Variants in PHEX observed in about 807,000 individuals in gnomAD.
The protein encoded by PHEX is phosphate regulating endopeptidase X-linked.
In PHEX, 16 loss-of-function variants were observed where a neutral mutation model predicts 68.0. The ratio of observed to expected loss-of-function variants is 0.24; its 90% CI spans 0.16 to 0.36. The LOEUF (loss-of-function observed/expected upper bound fraction) is 0.36. Ranked by LOEUF, PHEX falls within the 10% of genes least tolerant of loss-of-function variation. The pLI is 1.00. For missense variants in PHEX, 480 were observed against 575.5 expected, an observed-to-expected ratio of 0.83 and a Z score of 1.70; for synonymous variants, 208 against 205.1, an observed-to-expected ratio of 1.01 and a Z score of -0.12.
In PHEX at chrX:22,249,468, ATATATATATATATATATATG is replaced by A. The variant is rs1936507892; in HGVS notation, c.*1521_*1540del. The A allele has an allele frequency of 1.2e-5, 1 of 80,608 alleles. No individual in the cohort carries two copies. Among genetic ancestry groups the A allele is most frequent in the African/African-American group, 5.5e-5 (1 of 18,277 alleles). The allele number at this position is 80,608 out of a possible 1,213,427, so 6.6% of individuals were successfully genotyped here. ...AAAAAAAAAAAAAATATATATATAT[ATATATATATATATATATATG>A]TATATCTACCTAAGTGTGTGCCATG... On this transcript the variant is annotated 3_prime_UTR_variant, in exon 22 of 22. Transcript: ENST00000379374.
At chrX:22,089,494 C>T (rs1929776595) in intron 5 of PHEX, among the ~76,000 whole-genome samples, 1 of 107,953 alleles carries the variant, frequency 9.3e-6, no homozygotes, top group Admixed American at 1.0e-4. Flanking sequence ...GATCTCTGCT[C>T]ACTGCAGCCT....
In PHEX at chrX:22,077,563, G is replaced by A; in HGVS notation, c.524G>A (p.Gly175Asp). The change falls in exon 5 of 22, where the codon GGC becomes GAC. Residue 175 changes from glycine (G) to aspartate (D), a missense_variant. Coordinates refer to ENST00000379374, the MANE Select transcript of PHEX (RefSeq NM_000444.6). The part of the protein sequence containing the change: ...FRWPVLESNI[G>D]PEGVWSERKF... ...TGGCCCGTGCTTGAATCTAATATTG[G>A]CCCTGAAGGGGTTTGGTCAGAGAGA... The A allele has an allele frequency of 5.0e-6, 6 of 1,211,156 alleles. No individual in the cohort carries two copies. Among genetic ancestry groups the A allele is most frequent in the Non-Finnish European group, 6.7e-6 (6 of 894,898 alleles).
intron 20 of PHEX, among the ~76,000 whole-genome samples, chrX:22,244,899 G>T (rs1194433821): frequency 8.9e-6 from 1 of 111,825 alleles, no homozygotes; most frequent in Admixed American, 9.5e-5. Context: ...CCAGACTAGG[G>T]TGAAGCGAGC....
intron 3 of PHEX, among the ~76,000 whole-genome samples, chrX:22,064,550 T>C (rs1240608949): frequency 8.9e-6 from 1 of 111,913 alleles, no homozygotes; most frequent in Non-Finnish European, 1.9e-5. Context: ...TTCCAGAAAG[T>C]TCTCAGGCGA....
At position 22,226,506 on chromosome X, in the gene PHEX, A is replaced by T; in HGVS notation, c.1963A>T (p.Arg655Trp). The change falls in exon 19 of 22, where the codon AGG becomes TGG. Residue 655 changes from arginine to tryptophan, a missense_variant and splice_region_variant. By Grantham distance (101) the Arg-to-Trp change is moderately radical. Coordinates refer to ENST00000379374, the MANE Select transcript of PHEX (RefSeq NM_000444.6). ...TAATGGAGGCCTGCGGGAAGCTTTT[A>T]GGGTATGCGCTGCTACATTTACCGT... ...ADNGGLREAF[R>W]AYRKWINDRR... 8.4e-7 allele frequency: 1 copy of T among 1,196,673 alleles called. No homozygotes were observed. The highest frequency in any genetic ancestry group is 1.1e-6 in the Non-Finnish European group (1 of 883,178).
intron 3 of PHEX, among the ~76,000 whole-genome samples, chrX:22,073,351 T>G (rs1173629837): frequency 8.9e-6 from 1 of 112,654 alleles, no homozygotes; most frequent in Non-Finnish European, 1.9e-5. Flanking sequence ...GGGAAGCATG[T>G]ACTATTATTA....
At chrX:22,209,172 G>A (rs1210491097) in intron 15 of PHEX, among the ~76,000 whole-genome samples, 3 of 111,231 alleles carry the variant, frequency 2.7e-5, no homozygotes. Context: ...CGCACGTGGT[G>A]AACTGAGGCA....
intron 15 of PHEX, among the ~76,000 whole-genome samples, chrX:22,209,388 T>C (rs1041506111): frequency 1.8e-5 from 2 of 111,519 alleles, no homozygotes; most frequent in African/African-American, 6.5e-5. Flanking sequence ...GCTGTATGTA[T>C]GGATGCTTAT....
chrX:22,153,525 C>T (rs1418568661), intron 12 of PHEX, among the ~76,000 whole-genome samples: 1 of 111,653 alleles, frequency 9.0e-6, no homozygotes, highest in African/African-American at 3.3e-5. Flanking sequence ...AGTGGGGATA[C>T]GGTCCTGTCA....
intron 3 of PHEX, among the ~76,000 whole-genome samples, chrX:22,049,254 A>G (rs1440190802): frequency 9.0e-6 from 1 of 110,810 alleles, no homozygotes; most frequent in Non-Finnish European, 1.9e-5. Context: ...CTGGGATTAC[A>G]GGCACTTGCC....
At chrX:22,105,188 G>C (rs1215603100) in intron 9 of PHEX, among the ~76,000 whole-genome samples, 2 of 111,976 alleles carry the variant, frequency 1.8e-5, no homozygotes, top group Admixed American at 1.9e-4. Flanking sequence ...CTCTGCCCCA[G>C]ACCTACTGAA....
chrX:22,174,176 C>T (rs1414519727), intron 13 of PHEX, among the ~76,000 whole-genome samples: 3 of 111,778 alleles, frequency 2.7e-5, no homozygotes, highest in Non-Finnish European at 5.6e-5. Flanking sequence ...CCAAAGGTCA[C>T]GCAATTGAAA....
chrX:22,237,122 G>A lies in PHEX; in HGVS notation c.2071-8211G>A, dbSNP rs368791999. On this transcript the variant is annotated intron_variant, in intron 20 of 21. Coordinates refer to ENST00000379374, the MANE Select transcript of PHEX (RefSeq NM_000444.6). ...AGGAGTAAAATTACTTTCCCTCCTG[G>A]GAAGGTACTAAGAAAACAGTAGCAG... Among the ~76,000 whole-genome samples the A allele has an allele frequency of 3.5e-4, 39 of 112,126 alleles. No homozygotes were observed. The South Asian group carries it at 0.012, about 36-fold the overall frequency.
intron 11 of PHEX, among the ~76,000 whole-genome samples, chrX:22,121,496 C>T (rs962145709): frequency 6.3e-5 from 7 of 111,623 alleles, no homozygotes; most frequent in Non-Finnish European, 1.3e-4. Context: ...AAGGGCAAGA[C>T]GTACTTGAGA....
intron 5 of PHEX, among the ~76,000 whole-genome samples, chrX:22,088,434 T>G (rs773308044): frequency 1.3e-3 from 149 of 111,729 alleles, no homozygotes; most frequent in African/African-American, 4.0e-3. Flanking sequence ...TTACCAGTAA[T>G]ACATGAGTGA....
At chrX:22,042,838 AAAT>A (rs929039469) in intron 2 of PHEX, among the ~76,000 whole-genome samples, 15 of 112,021 alleles carry the variant, frequency 1.3e-4, no homozygotes, top group Non-Finnish European at 2.6e-4. Context: ...TAGAAAAAGA[AAAT>A]AATAATGGTA....
chrX:22,162,335 C>G (rs1014023246), intron 12 of PHEX, among the ~76,000 whole-genome samples: 1 of 112,320 alleles, frequency 8.9e-6, no homozygotes, highest in African/African-American at 3.2e-5. Context: ...CATTTCTTTT[C>G]TCGATATTTT....
chrX:22,049,834 G>A, intron 3 of PHEX, among the ~76,000 whole-genome samples: 1 of 110,690 alleles, frequency 9.0e-6, no homozygotes, highest in Non-Finnish European at 1.9e-5. Context: ...TTGCACTCCA[G>A]CCGGGGCAAC....
At chrX:22,058,032 T>C (rs1569373384) in intron 3 of PHEX, among the ~76,000 whole-genome samples, 1 of 111,452 alleles carries the variant, frequency 9.0e-6, no homozygotes, top group Non-Finnish European at 1.9e-5. Flanking sequence ...TCATCAGTCA[T>C]TTTCCATTTG....
Sources: allele counts gnomAD v4.1 joint callset (sites outside exome capture counted in the v4.1 genomes callset), GRCh38; gene constraint gnomAD v4.1.1; transcripts MANE v1.5; gene names NCBI Gene and HGNC (gene_info 2026-07-23, HGNC 2026-07-21).